CCDC88C: variants seen among roughly 807,000 people sequenced by gnomAD.
CCDC88C encodes the protein protein Daple.
In CCDC88C, 131 loss-of-function variants were observed where a neutral mutation model predicts 198.8. The observed-to-expected ratio is 0.66, with a 90% CI of 0.57 to 0.76. CCDC88C has a LOEUF of 0.76. Ranked by LOEUF, CCDC88C falls within the 30% of genes least tolerant of loss-of-function variation. CCDC88C has a pLI of 0.00. For missense variants in CCDC88C, 2,553 were observed against 2,631.6 expected (o/e 0.97, Z 0.65); for synonymous variants, 1,166 against 1,114.7 (o/e 1.05, Z -0.92).
At chr14:91,343,768 G>T in intron 4 of CCDC88C, 111 bp from the exon 5 acceptor site, 1 of 1,262,106 alleles carries the variant, frequency 7.9e-7, no homozygotes, top group Non-Finnish European at 1.1e-6. Context: ...TCTACTCTGT[G>T]ACATTCACTT....
chr14:91,381,856 C>T lies in CCDC88C; in HGVS notation c.271-22145G>A, dbSNP rs1248568649. 6.6e-6 allele frequency among the ~76,000 whole-genome samples: 1 copy of T among 152,030 alleles called. No homozygotes were observed. Among genetic ancestry groups the T allele is most frequent in the East Asian group, 1.9e-4 (1 of 5,202 alleles). ...AAAAACAACAAAAAACCGGCCCTTT[C>T]TTGCGAGACTCAGCTCACTCCTCTC... On this transcript the variant is annotated intron_variant, in intron 3 of 29. Transcript: ENST00000389857. The surrounding 1 kb of genome is among the most constrained non-coding windows in gnomAD (Gnocchi z 4.2).
chr14:91,383,766 T>A, intron 3 of CCDC88C, among the ~76,000 whole-genome samples: 1 of 152,138 alleles, frequency 6.6e-6, no homozygotes, highest in East Asian at 1.9e-4. Flanking sequence ...TTACCCACAT[T>A]GTGCTGTGAC....
At chr14:91,392,364 A>G (rs1439396294) in intron 3 of CCDC88C, among the ~76,000 whole-genome samples, 1 of 152,142 alleles carries the variant, frequency 6.6e-6, no homozygotes, top group Admixed American at 6.5e-5. Context: ...GTGGACATGG[A>G]GCTCCGAGGG....
chr14:91,352,887 G>C lies in CCDC88C; in HGVS notation c.340+6755C>G, dbSNP rs1157952666. ...GCACCATCTCTGCAGCAGGAGGACT[G>C]TTCCTCACAAGCCGGACTCTGAGCC... On this transcript the variant is annotated intron_variant, in intron 4 of 29. Transcript: ENST00000389857. The surrounding 1 kb of genome is among the most constrained non-coding windows in gnomAD (Gnocchi z 4.2). Among the ~76,000 whole-genome samples the C allele has an allele frequency of 6.6e-6, 1 of 152,202 alleles. No homozygotes were observed. Among genetic ancestry groups the C allele is most frequent in the Non-Finnish European group, 1.5e-5 (1 of 68,036 alleles).
chr14:91,413,288 A>G (rs1437545200), intron 2 of CCDC88C, among the ~76,000 whole-genome samples: 1 of 152,172 alleles, frequency 6.6e-6, no homozygotes, highest in East Asian at 1.9e-4. Flanking sequence ...CTTGTTCTAT[A>G]TACATAGTTT....
chr14:91,293,321 C>T (rs1890775028), intron 23 of CCDC88C, among the ~76,000 whole-genome samples: 2 of 145,086 alleles, frequency 1.4e-5, no homozygotes, highest in Non-Finnish European at 3.0e-5. Context: ...CCTTCCCATC[C>T]TCACCTGCCA....
In CCDC88C at chr14:91,405,849, T is replaced by C. The variant is rs1397391688; in HGVS notation, c.270+2810A>G. 2.0e-5 allele frequency among the ~76,000 whole-genome samples: 3 copies of C among 152,364 alleles called. No homozygotes were observed. The East Asian group carries it at 5.8e-4, about 29-fold the overall frequency. On this transcript the variant is annotated intron_variant, in intron 3 of 29. Transcript: ENST00000389857. ...GTGTCAGCCCTGAACACAAGCGTCC[T>C]GTCAGCTTCCTTCAAGAGGGCAGGA...
intron 2 of CCDC88C, among the ~76,000 whole-genome samples, chr14:91,415,983 C>T (rs1399012687): frequency 2.0e-5 from 3 of 152,172 alleles, no homozygotes; most frequent in Non-Finnish European, 2.9e-5. Flanking sequence ...GCCTGTGAAT[C>T]ATCCCGACAC....
At chr14:91,332,135 C>T (rs959542466) in intron 10 of CCDC88C, among the ~76,000 whole-genome samples, 6 of 152,218 alleles carry the variant, frequency 3.9e-5, no homozygotes, top group East Asian at 1.9e-4. Context: ...ACATCCACTC[C>T]GCTCAGGATG....
Position 91,273,628 on chromosome 14 carries a change from A to G in CCDC88C, c.5084T>C (p.Leu1695Pro). The G allele has an allele frequency of 6.7e-7, 1 of 1,484,214 alleles. No individual in the cohort carries two copies. The highest frequency in any genetic ancestry group is 9.0e-7 in the Non-Finnish European group (1 of 1,116,274). The allele number at this position is 1,484,214 out of a possible 1,614,324, so 91.9% of individuals were successfully genotyped here. A position where few individuals can be genotyped will look rare whatever the true frequency, so the allele number is the denominator to read the frequency against. ...THDTPSCRDD[L>P]LSDYFRKASD... ...GGCCTTTCGGAAGTAGTCACTCAGC[A>G]GGTCATCCCGGCAACTGGGAGTGTC... Residue 1695 changes from leucine to proline, a missense_variant, in exon 30 of 30, where the codon CTG becomes CCG. This residue lies in a region of CCDC88C where 1,293 missense variants were observed against 1,219.6 expected (regional missense o/e 1.06). Coordinates refer to ENST00000389857, the MANE Select transcript of CCDC88C (RefSeq NM_001080414.4). This position sits in a 1 kb window ranked among gnomAD's most constrained non-coding sequence, Gnocchi z 5.6.
intron 5 of CCDC88C, among the ~76,000 whole-genome samples, chr14:91,343,291 G>A (rs560048959): frequency 1.2e-4 from 18 of 152,284 alleles, no homozygotes; most frequent in African/African-American, 4.3e-4. Context: ...CAGGCAGCAA[G>A]TCAGATCTGG....
chr14:91,316,811 T>C (rs1164693887), intron 13 of CCDC88C, among the ~76,000 whole-genome samples: 1 of 152,210 alleles, frequency 6.6e-6, no homozygotes, highest in African/African-American at 2.4e-5. Flanking sequence ...CATTCTGTGG[T>C]TCTTTGTCCT....
intron 3 of CCDC88C, among the ~76,000 whole-genome samples, chr14:91,407,800 T>C (rs1168173217): frequency 6.6e-6 from 1 of 152,146 alleles, no homozygotes; most frequent in East Asian, 1.9e-4. Context: ...TTGTTTGTTT[T>C]TGAGATGGAG....
At chr14:91,396,152 G>C (rs546744313) in intron 3 of CCDC88C, among the ~76,000 whole-genome samples, 12 of 152,324 alleles carry the variant, frequency 7.9e-5, no homozygotes, top group African/African-American at 2.6e-4. Context: ...AAGAAGAGCT[G>C]AATAACAAAA....
chr14:91,328,268 C>T (rs1892660608), intron 10 of CCDC88C, among the ~76,000 whole-genome samples: 1 of 152,218 alleles, frequency 6.6e-6, no homozygotes, highest in African/African-American at 2.4e-5. Context: ...ATTTCAACCT[C>T]CACTATACAT....
At chr14:91,406,690 C>T (rs1189617525) in intron 3 of CCDC88C, among the ~76,000 whole-genome samples, 1 of 152,252 alleles carries the variant, frequency 6.6e-6, no homozygotes, top group Middle Eastern at 3.2e-3. Flanking sequence ...GGGCCCATGC[C>T]CTGCGTATCT....
At chr14:91,282,120 T>G (rs1331796641) in intron 26 of CCDC88C, among the ~76,000 whole-genome samples, 3 of 152,168 alleles carry the variant, frequency 2.0e-5, no homozygotes, top group Admixed American at 6.5e-5. Flanking sequence ...GAGCAGACCC[T>G]GGGTCCCCTC....
At chr14:91,393,671 T>A (rs777917139) in intron 3 of CCDC88C, among the ~76,000 whole-genome samples, 1 of 152,212 alleles carries the variant, frequency 6.6e-6, no homozygotes, top group African/African-American at 2.4e-5. Context: ...CTGTCCAACA[T>A]GGTGAAACCC....
chr14:91,275,275 C>T (rs2181169), intron 29 of CCDC88C, among the ~76,000 whole-genome samples: 133,015 of 152,112 alleles, frequency 0.87, 58,555 homozygotes, highest in African/African-American at 0.9. Context: ...GTACAGGGCA[C>T]AGGGAATGGG....
Sources: gnomAD v4.1 joint callset for allele counts (sites outside exome capture counted in the v4.1 genomes callset) on GRCh38, gnomAD v4.1.1 for gene constraint, gnomAD v4.1.1 regional missense constraint, Gnocchi (gnomAD v3.1) non-coding constraint, MANE v1.5 for transcripts, NCBI Gene and HGNC (gene_info 2026-07-23, HGNC 2026-07-21) for gene names.